The following TBC1D5 variants were observed in gnomAD, a reference collection of about 807,000 sequenced individuals.
TBC1D5 encodes TBC1 domain family, member 5.
In TBC1D5, 75 loss-of-function variants were observed where a neutral mutation model predicts 100.3. That is an observed-to-expected ratio of 0.75 (90% confidence interval 0.62 to 0.91). TBC1D5 has a LOEUF of 0.91. TBC1D5 is among the 40% of genes least tolerant of loss of function. The pLI, the probability that TBC1D5 is intolerant of heterozygous loss-of-function variation, is 0.00. For missense variants in TBC1D5, 910 were observed against 942.4 expected (o/e 0.97, Z 0.45); for synonymous variants, 323 against 325.6 (o/e 0.99, Z 0.09).
intron 1 of TBC1D5, among the ~76,000 whole-genome samples, chr3:17,643,790 T>A (rs541537464): frequency 6.6e-6 from 1 of 152,292 alleles, no homozygotes; most frequent in South Asian, 2.1e-4. Context: ...TCAGCAGCTG[T>A]ACTGTTTTGT....
intron 2 of TBC1D5, among the ~76,000 whole-genome samples, chr3:17,594,126 C>T (rs566798685): frequency 1.2e-4 from 18 of 152,298 alleles, no homozygotes; most frequent in African/African-American, 4.3e-4. Context: ...GTTAAGATTG[C>T]CACCTGGACA....
At chr3:17,417,788 A>C (rs1439219754) in intron 4 of TBC1D5, among the ~76,000 whole-genome samples, 1 of 152,146 alleles carries the variant, frequency 6.6e-6, no homozygotes, top group Non-Finnish European at 1.5e-5. Context: ...CAATGGTTGA[A>C]CTAGTTTACA....
intron 2 of TBC1D5, among the ~76,000 whole-genome samples, chr3:17,577,486 C>A (rs1560197960): frequency 1.3e-5 from 2 of 151,912 alleles, no homozygotes; most frequent in Non-Finnish European, 2.9e-5. Flanking sequence ...CTCAACAACT[C>A]TTTCCACCTT....
chr3:17,596,623 T>A (rs1288602500), intron 2 of TBC1D5, among the ~76,000 whole-genome samples: 2 of 144,222 alleles, frequency 1.4e-5, no homozygotes, highest in Non-Finnish European at 3.0e-5. Context: ...AGGTGGATAA[T>A]GGCTTGAACC....
chr3:17,480,461 T>C (rs1186801855), intron 3 of TBC1D5, among the ~76,000 whole-genome samples: 1 of 152,176 alleles, frequency 6.6e-6, no homozygotes, highest in Non-Finnish European at 1.5e-5. Context: ...CGAACCAGCA[T>C]GTACTTCCTC....
intron 2 of TBC1D5, among the ~76,000 whole-genome samples, chr3:17,592,198 A>T (rs1027018365): frequency 6.6e-6 from 1 of 152,144 alleles, no homozygotes; most frequent in Non-Finnish European, 1.5e-5. Context: ...GGGTATATCA[A>T]CTCTCCAGCT....
intron 2 of TBC1D5, among the ~76,000 whole-genome samples, chr3:17,509,767 G>A (rs539442506): frequency 1.3e-5 from 2 of 152,030 alleles, no homozygotes; most frequent in South Asian, 4.1e-4. Context: ...ATGCTCAAAT[G>A]TATCTGTATC....
At chr3:17,406,364 G>A (rs529789409) in intron 5 of TBC1D5, 54 bp downstream of exon 5, 1 of 1,489,582 alleles carries the variant, frequency 6.7e-7, no homozygotes, top group African/African-American at 1.4e-5. Context: ...AGGGCATCAG[G>A]TAATGTGTTG....
chr3:17,732,251 G>A (rs1355126886), intron 1 of TBC1D5, among the ~76,000 whole-genome samples: 1 of 151,508 alleles, frequency 6.6e-6, no homozygotes, highest in African/African-American at 2.4e-5. Context: ...CTATGAGGCA[G>A]AGATTGCAGT....
intron 2 of TBC1D5, among the ~76,000 whole-genome samples, chr3:17,614,756 T>C (rs185781533): frequency 6.6e-6 from 1 of 152,222 alleles, no homozygotes; most frequent in Non-Finnish European, 1.5e-5. Context: ...TTTGTTGAAG[T>C]TGCTTATCAG....
At chr3:17,637,062 C>A (rs2153688738) in intron 1 of TBC1D5, among the ~76,000 whole-genome samples, 1 of 150,286 alleles carries the variant, frequency 6.7e-6, no homozygotes, top group Admixed American at 6.6e-5. Flanking sequence ...CACTCTGTCG[C>A]CCAGGCTGGA....
At chr3:17,343,107 C>T (rs1321548221) in intron 13 of TBC1D5, among the ~76,000 whole-genome samples, 2 of 152,114 alleles carry the variant, frequency 1.3e-5, no homozygotes, top group Non-Finnish European at 2.9e-5. Context: ...GTGGGTTTGT[C>T]ATAGATAGCT....
intron 2 of TBC1D5, among the ~76,000 whole-genome samples, chr3:17,588,070 C>G (rs2096743524): frequency 6.6e-6 from 1 of 152,010 alleles, no homozygotes; most frequent in Non-Finnish European, 1.5e-5. Context: ...AGTAACACTA[C>G]AATCAGTGTA....
chr3:17,180,467 A>G (rs544489893), intron 19 of TBC1D5, among the ~76,000 whole-genome samples: 1 of 152,352 alleles, frequency 6.6e-6, no homozygotes, highest in East Asian at 1.9e-4. Flanking sequence ...TACTTATTGC[A>G]TGTGTGACAA....
intron 16 of TBC1D5, among the ~76,000 whole-genome samples, chr3:17,246,544 C>A (rs1289927541): frequency 2.0e-5 from 3 of 152,148 alleles, no homozygotes; most frequent in Non-Finnish European, 4.4e-5. Flanking sequence ...TATGATTAAG[C>A]CACTGTGTTA....
At chr3:17,211,278 G>A (rs530052346) in intron 18 of TBC1D5, among the ~76,000 whole-genome samples, 57 of 152,330 alleles carry the variant, frequency 3.7e-4, no homozygotes, top group Middle Eastern at 3.4e-3. Context: ...CTGTGTATAC[G>A]TGTCTTTTGC....
At chr3:17,742,366 A>T (rs1490473319), upstream of TBC1D5, 1 of 153,184 alleles carries the variant, frequency 6.5e-6, no homozygotes, top group Non-Finnish European at 1.5e-5. Context: ...ACCTGTCCTG[A>T]GGCTGAGTGG....
chr3:17,636,640 TA>T (rs77958128), intron 1 of TBC1D5, among the ~76,000 whole-genome samples: 20 of 142,950 alleles, frequency 1.4e-4, no homozygotes, highest in African/African-American at 1.5e-4. Context: ...AAATAAAAAA[TA>T]AAAAAAAAAA....
At position 17,625,350 on chromosome 3, in the gene TBC1D5, C is replaced by G. The variant is rs551831261; in HGVS notation, c.-100-1437G>C. Among the ~76,000 whole-genome samples the G allele has an allele frequency of 1.7e-3, 255 of 152,172 alleles. 2 individuals are homozygous for G. Among genetic ancestry groups the G allele is most frequent in the African/African-American group, 5.9e-3 (246 of 41,570 alleles). ...GTGTCCTTGTGCTTATAATTAGCAT[C>G]TGAATTCAGGGATTTTACTACTTAG... On this transcript the variant is annotated intron_variant, in intron 1 of 21. Transcript: ENST00000253692.
Sources: gnomAD v4.1 joint callset for allele counts (sites outside exome capture counted in the v4.1 genomes callset) on GRCh38, gnomAD v4.1.1 for gene constraint, MANE v1.5 for transcripts, NCBI Gene and HGNC (gene_info 2026-07-23, HGNC 2026-07-21) for gene names.